The following PPM1L variants were observed in gnomAD, a reference collection of about 807,000 sequenced individuals.
PPM1L encodes protein phosphatase, Mg2+/Mn2+ dependent 1L.
In PPM1L, 13 loss-of-function variants were observed where a neutral mutation model predicts 31.4. The ratio of observed to expected loss-of-function variants is 0.41; its 90% CI spans 0.27 to 0.66. The LOEUF is 0.66. Ranked by LOEUF, PPM1L falls within the 30% of genes least tolerant of loss-of-function variation. PPM1L has a pLI of 0.29. For missense variants in PPM1L, 326 were observed against 453.7 expected (o/e 0.72, Z 2.56); for synonymous variants, 184 against 175.4 (o/e 1.05, Z -0.39).
At chr3:160,982,520 ATCAC>A (rs1427034889) in intron 2 of PPM1L, among the ~76,000 whole-genome samples, 1 of 152,174 alleles carries the variant, frequency 6.6e-6, no homozygotes, top group Non-Finnish European at 1.5e-5. Flanking sequence ...AAATAATTTG[ATCAC>A]TCATTCTGTT....
chr3:160,847,004 C>T (rs988470648), intron 1 of PPM1L, among the ~76,000 whole-genome samples: 5 of 152,052 alleles, frequency 3.3e-5, no homozygotes, highest in African/African-American at 1.2e-4. Context: ...ATACCAAAAA[C>T]TCAAACTGAA....
intron 1 of PPM1L, among the ~76,000 whole-genome samples, chr3:160,864,577 C>T (rs1361513005): frequency 6.6e-6 from 1 of 152,158 alleles, no homozygotes; most frequent in Non-Finnish European, 1.5e-5. Context: ...TATTTGTCTC[C>T]ATTTAGTCAT....
intron 2 of PPM1L, among the ~76,000 whole-genome samples, chr3:161,059,905 G>A (rs1250435009): frequency 6.6e-6 from 1 of 152,014 alleles, no homozygotes; most frequent in Non-Finnish European, 1.5e-5. Flanking sequence ...TGCCATGATT[G>A]GAAGCTTCTT....
chr3:160,977,483 A>G (rs1261777396), intron 2 of PPM1L, among the ~76,000 whole-genome samples: 1 of 152,220 alleles, frequency 6.6e-6, no homozygotes, highest in South Asian at 2.1e-4. Flanking sequence ...TTCTGTATCT[A>G]TGAATCTATT....
intron 1 of PPM1L, among the ~76,000 whole-genome samples, chr3:160,845,523 T>C (rs1714050449): frequency 6.6e-6 from 1 of 151,988 alleles, no homozygotes; most frequent in Admixed American, 6.6e-5. Context: ...ATTTATTTAT[T>C]ATTATTATTT....
intron 1 of PPM1L, among the ~76,000 whole-genome samples, chr3:160,875,108 A>G (rs916240814): frequency 2.6e-5 from 4 of 152,236 alleles, no homozygotes; most frequent in African/African-American, 4.8e-5. Context: ...TGGCATATAT[A>G]TATTTCCAGA....
At chr3:160,784,625 A>G (rs1363987237) in intron 1 of PPM1L, among the ~76,000 whole-genome samples, 1 of 152,250 alleles carries the variant, frequency 6.6e-6, no homozygotes, top group Non-Finnish European at 1.5e-5. Context: ...GGCTGGACTT[A>G]ATACTTATTA....
chr3:160,840,788 GGA>G (rs1039794900), intron 1 of PPM1L, among the ~76,000 whole-genome samples: 9 of 150,144 alleles, frequency 6.0e-5, no homozygotes, highest in Non-Finnish European at 1.0e-4. Flanking sequence ...GAGAGAGAGA[GGA>G]GAGAGAGAGA....
At chr3:160,874,084 TG>T (rs1712416969) in intron 1 of PPM1L, among the ~76,000 whole-genome samples, 1 of 152,138 alleles carries the variant, frequency 6.6e-6, no homozygotes, top group South Asian at 2.1e-4. Flanking sequence ...CTTTGTTATG[TG>T]GGGTTTTGTG....
At chr3:161,046,144 A>C (rs1161013277) in intron 2 of PPM1L, among the ~76,000 whole-genome samples, 195 of 148,198 alleles carry the variant, frequency 1.3e-3, no homozygotes, top group African/African-American at 4.7e-3. Context: ...ATCAATGAAT[A>C]CAGGAGCTGG....
chr3:161,024,698 C>CA lies in PPM1L; in HGVS notation c.575-40689dup, dbSNP rs35498356. Among the ~76,000 whole-genome samples, 74 of 133,110 alleles carry CA rather than the reference C, an allele frequency of 5.6e-4. 1 individual carries two copies. Among genetic ancestry groups the CA allele is most frequent in the South Asian group, 9.4e-4 (4 of 4,260 alleles). 87.3% of individuals were successfully genotyped at this position (133,110 alleles called of 152,430 possible). On this transcript the variant is annotated intron_variant, in intron 2 of 3. Coordinates refer to ENST00000498165, the MANE Select transcript of PPM1L (RefSeq NM_139245.4). Reference sequence around the variant, plus strand: ...GGGCAACAAGAGTGAAACTCCATCTCAAAAAAAAAAAAAAAAGGAAGCTCT... The same window carrying CA: ...GGGCAACAAGAGTGAAACTCCATCTCAAAAAAAAAAAAAAAAAGGAAGCTCT...
intron 1 of PPM1L, among the ~76,000 whole-genome samples, chr3:160,773,701 C>T (rs916057187): frequency 1.3e-5 from 2 of 152,156 alleles, no homozygotes; most frequent in Non-Finnish European, 2.9e-5. Flanking sequence ...CTACTTACCT[C>T]ATTTCCTTTT....
intron 1 of PPM1L, among the ~76,000 whole-genome samples, chr3:160,862,703 C>CACACACAA (rs60420768): frequency 7.6e-6 from 1 of 131,464 alleles, no homozygotes; most frequent in Non-Finnish European, 1.5e-5. Flanking sequence ...CACACACACA[C>CACACACAA]AAAATTCTGA....
intron 1 of PPM1L, among the ~76,000 whole-genome samples, chr3:160,801,505 T>G (rs527397329): frequency 6.6e-6 from 1 of 152,218 alleles, no homozygotes; most frequent in Non-Finnish European, 1.5e-5. Flanking sequence ...ATCATCTATA[T>G]TTTCTAAGTT....
chr3:160,890,986 A>G (rs140708222), intron 1 of PPM1L, among the ~76,000 whole-genome samples: 2 of 152,214 alleles, frequency 1.3e-5, no homozygotes, highest in East Asian at 1.9e-4. Flanking sequence ...AGGATGGATT[A>G]AAGACTTAAA....
At chr3:161,023,602 A>G (rs1208923332) in intron 2 of PPM1L, among the ~76,000 whole-genome samples, 1 of 152,112 alleles carries the variant, frequency 6.6e-6, no homozygotes, top group African/African-American at 2.4e-5. Flanking sequence ...TAATTTTTTC[A>G]TTGATACTCT....
chr3:160,911,915 G>A (rs1713985739), intron 1 of PPM1L, among the ~76,000 whole-genome samples: 1 of 152,182 alleles, frequency 6.6e-6, no homozygotes, highest in Non-Finnish European at 1.5e-5. Flanking sequence ...TGGAGGAGGA[G>A]TGTTGAACCC....
At chr3:161,055,874 G>A (rs1418241929) in intron 2 of PPM1L, among the ~76,000 whole-genome samples, 2 of 152,110 alleles carry the variant, frequency 1.3e-5, no homozygotes, top group African/African-American at 4.8e-5. Flanking sequence ...AGCATAAGCA[G>A]TCTGGCATTG....
chr3:160,849,419 C>CTTTTTTT (rs540982855), intron 1 of PPM1L, among the ~76,000 whole-genome samples: 7 of 143,436 alleles, frequency 4.9e-5, no homozygotes, highest in African/African-American at 1.6e-4. Flanking sequence ...TTCTTTCTTT[C>CTTTTTTT]TTTTTTTTTT....
Sources: allele counts gnomAD v4.1 joint callset (sites outside exome capture counted in the v4.1 genomes callset), GRCh38; gene constraint gnomAD v4.1.1; transcripts MANE v1.5; gene names NCBI Gene and HGNC (gene_info 2026-07-23, HGNC 2026-07-21).